Variants in NAALADL2 observed in about 807,000 individuals in gnomAD.
NAALADL2 encodes inactive N-acetylated-alpha-linked acidic dipeptidase-like protein 2.
Under a neutral mutation model 87.2 loss-of-function variants are expected in NAALADL2, and 76 were observed. The observed-to-expected ratio is 0.87, with a 90% confidence interval of 0.72 to 1.05. NAALADL2 has a LOEUF of 1.05. Among genes scored for constraint, NAALADL2 ranks in the 50% least tolerant of loss-of-function variants. NAALADL2 has a pLI of 0.00. For synonymous variants in NAALADL2, 354 were observed against 331.0 expected (o/e 1.07, Z -0.75); for missense variants, 1,089 against 945.8 (o/e 1.15, Z -1.99).
intron 11 of NAALADL2, among the ~76,000 whole-genome samples, chr3:175,727,096 T>C (rs1743039274): frequency 6.6e-6 from 1 of 152,130 alleles, no homozygotes; most frequent in African/African-American, 2.4e-5. Flanking sequence ...TCCCATCGAT[T>C]TTTCATCATG....
At chr3:175,575,169 G>T (rs139881006) in intron 9 of NAALADL2, among the ~76,000 whole-genome samples, 1 of 152,204 alleles carries the variant, frequency 6.6e-6, no homozygotes, top group African/African-American at 2.4e-5. Flanking sequence ...TTAGCTGTGT[G>T]GTTCACTATG....
At chr3:174,922,234 C>T (rs1237186039) in intron 1 of NAALADL2, among the ~76,000 whole-genome samples, 1 of 150,748 alleles carries the variant, frequency 6.6e-6, no homozygotes, top group African/African-American at 2.4e-5. Context: ...TACTTGAACC[C>T]AGAAGTTCAA....
At chr3:175,636,217 T>C (rs1388238779) in intron 11 of NAALADL2, among the ~76,000 whole-genome samples, 2 of 147,388 alleles carry the variant, frequency 1.4e-5, no homozygotes, top group African/African-American at 5.1e-5. Context: ...TGTGTGTGCG[T>C]GTGTGTGCTC....
chr3:175,235,404 A>C (rs997017260), intron 3 of NAALADL2: 3 of 152,168 alleles, frequency 2.0e-5, no homozygotes, highest in Non-Finnish European at 4.4e-5. Context: ...CCATTAATTA[A>C]ACTTCAATAT....
intron 2 of NAALADL2, among the ~76,000 whole-genome samples, chr3:174,611,891 G>C (rs527834729): frequency 1.3e-5 from 2 of 151,818 alleles, no homozygotes; most frequent in East Asian, 3.9e-4. Flanking sequence ...CACTGCACCT[G>C]AGCAGATGAT....
chr3:174,642,997 G>A lies in NAALADL2; in HGVS notation c.-115+92360G>A, dbSNP rs559301810. Among the ~76,000 whole-genome samples, 436 of 151,974 alleles carry A rather than the reference G, an allele frequency of 2.9e-3. 1 individual carries two copies. The highest frequency in any genetic ancestry group is 0.021 in the Middle Eastern group (6 of 292). ...GGGTCTCACTATGTTACCCAGCCTG[G>A]TCTTGAACTCCTGGGTTCAAGCAAT... On this transcript the variant is annotated intron_variant, in intron 2 of 3. Transcript: ENST00000434257.
At chr3:175,424,017 T>C (rs1716338681) in intron 5 of NAALADL2, among the ~76,000 whole-genome samples, 1 of 152,230 alleles carries the variant, frequency 6.6e-6, no homozygotes, top group African/African-American at 2.4e-5. Context: ...TGACGGCCAG[T>C]GATGATGAGC....
At chr3:175,649,787 G>T (rs1304514708) in intron 11 of NAALADL2, among the ~76,000 whole-genome samples, 1 of 151,952 alleles carries the variant, frequency 6.6e-6, no homozygotes, top group Non-Finnish European at 1.5e-5. Flanking sequence ...GCATACTGGT[G>T]GTTAGGATTT....
chr3:175,482,984 C>T (rs1314996133), intron 9 of NAALADL2, among the ~76,000 whole-genome samples: 2 of 151,932 alleles, frequency 1.3e-5, no homozygotes, highest in African/African-American at 4.8e-5. Context: ...GAGTCCACTT[C>T]ATTCAAATAA....
At chr3:175,133,089 G>A (rs1328017851) in intron 2 of NAALADL2, among the ~76,000 whole-genome samples, 4 of 149,786 alleles carry the variant, frequency 2.7e-5, no homozygotes, top group Admixed American at 2.6e-4. Flanking sequence ...AGACGGGGCG[G>A]CGGGGCAGAG....
intron 9 of NAALADL2, among the ~76,000 whole-genome samples, chr3:175,542,593 CA>C (rs1712558660): frequency 6.6e-6 from 1 of 152,120 alleles, no homozygotes; most frequent in Non-Finnish European, 1.5e-5. Context: ...CTCCTGACCT[CA>C]AGTGATCCAC....
chr3:175,173,318 AAAT>A (rs764937204), intron 2 of NAALADL2, among the ~76,000 whole-genome samples: 35,883 of 130,044 alleles, frequency 0.28, 5,258 homozygotes, highest in Non-Finnish European at 0.33. Flanking sequence ...TAAAATAAAT[AAAT>A]AAATAAATAA....
In NAALADL2 at chr3:174,570,252, AT is replaced by A. The variant is rs956892387; in HGVS notation, c.-115+19625del. ...TGGGAGGGCAAGCCTGGTCTCATTT[AT>A]TTTTTTTTTCAGGTCTTGCAGCAAA... On this transcript the variant is annotated intron_variant, in intron 2 of 3. Coordinates refer to the NAALADL2 transcript ENST00000434257. Among the ~76,000 whole-genome samples the A allele has an allele frequency of 2.8e-3, 408 of 146,792 alleles. 4 individuals are homozygous for A. Among genetic ancestry groups the A allele is most frequent in the African/African-American group, 9.7e-3 (390 of 40,030 alleles).
intron 11 of NAALADL2, among the ~76,000 whole-genome samples, chr3:175,721,167 A>G (rs1742184993): frequency 6.6e-6 from 1 of 152,094 alleles, no homozygotes; most frequent in African/African-American, 2.4e-5. Context: ...TTACCTCTAG[A>G]CTTTGTTAGT....
At chr3:174,674,842 A>G (rs1218752148) in intron 2 of NAALADL2, among the ~76,000 whole-genome samples, 3 of 152,076 alleles carry the variant, frequency 2.0e-5, no homozygotes, top group African/African-American at 7.2e-5. Context: ...ATTTAGGCTT[A>G]TAACTGACTT....
chr3:175,232,194 A>G (rs1355312455), intron 2 of NAALADL2, among the ~76,000 whole-genome samples: 1 of 97,214 alleles, frequency 1.0e-5, no homozygotes, highest in African/African-American at 4.0e-5. Flanking sequence ...GAGGAAGAGG[A>G]AGAAGAAGAA....
In NAALADL2 at chr3:175,418,011, G is replaced by A. The variant is rs560349729; in HGVS notation, c.1091-29218G>A. Among the ~76,000 whole-genome samples the A allele has an allele frequency of 2.0e-4, 31 of 152,128 alleles. No individual in the cohort carries two copies. The East Asian group carries it at 6.0e-3, about 29-fold the overall frequency. ...GAAAGCAAGCAAAATAAGCAGGACA[G>A]GTAAAGTAGGAGATGAGGAGAGATA... is the stretch of plus-strand genomic sequence containing the variant. On this transcript the variant is annotated intron_variant, in intron 5 of 13. Coordinates refer to ENST00000454872, the MANE Select transcript of NAALADL2 (RefSeq NM_207015.3).
At chr3:175,439,191 C>T (rs2058998) in intron 5 of NAALADL2, among the ~76,000 whole-genome samples, 117,562 of 152,054 alleles carry the variant, frequency 0.77, 45,656 homozygotes, top group East Asian at 0.87. Flanking sequence ...GTGTTCCTTT[C>T]ATTGTTGAGT....
chr3:175,718,957 G>T (rs1296807766), intron 11 of NAALADL2, among the ~76,000 whole-genome samples: 1 of 152,050 alleles, frequency 6.6e-6, no homozygotes, highest in Non-Finnish European at 1.5e-5. Context: ...GTACCAAAAG[G>T]CTAGCATTGA....
Sources: allele counts gnomAD v4.1 joint callset (sites outside exome capture counted in the v4.1 genomes callset), GRCh38; gene constraint gnomAD v4.1.1; transcripts MANE v1.5; gene names NCBI Gene and HGNC (gene_info 2026-07-23, HGNC 2026-07-21).